Variants in XYLT1 observed in about 807,000 individuals in gnomAD.
The protein encoded by XYLT1 is xylosyltransferase 1, also known as beta-D-xylosyltransferase 1.
In XYLT1, 36 loss-of-function variants were observed where a neutral mutation model predicts 91.3. That is an observed-to-expected ratio of 0.39 (90% CI 0.30 to 0.52). The LOEUF (loss-of-function observed/expected upper bound fraction) is 0.52. Ranked by LOEUF, XYLT1 falls within the 20% of genes least tolerant of loss-of-function variation. XYLT1 has a pLI of 0.68. For synonymous variants in XYLT1, 588 were observed against 532.0 expected (o/e 1.11, Z -1.45); for missense variants, 1,242 against 1,284.5 (o/e 0.97, Z 0.51).
chr16:17,430,162 C>T (rs1037854088), intron 1 of XYLT1, among the ~76,000 whole-genome samples: 3 of 151,916 alleles, frequency 2.0e-5, no homozygotes, highest in African/African-American at 4.8e-5. Context: ...GTCTTGAACT[C>T]CTGACCTCAA....
At chr16:17,151,200 C>A (rs553328212) in intron 6 of XYLT1, among the ~76,000 whole-genome samples, 3 of 152,060 alleles carry the variant, frequency 2.0e-5, no homozygotes, top group Non-Finnish European at 2.9e-5. Context: ...CCGAGGCAGG[C>A]GGATCACTTG....
At chr16:17,263,265 C>A (rs28508002) in intron 2 of XYLT1, among the ~76,000 whole-genome samples, 1 of 152,018 alleles carries the variant, frequency 6.6e-6, no homozygotes, top group Middle Eastern at 3.2e-3. Context: ...GAAAACACTG[C>A]GATCATCTCC....
intron 1 of XYLT1, among the ~76,000 whole-genome samples, chr16:17,366,200 G>A (rs954061601): frequency 2.0e-5 from 3 of 151,964 alleles, no homozygotes; most frequent in Non-Finnish European, 2.9e-5. Context: ...TAGCAACACT[G>A]GATGTGTATT....
intron 2 of XYLT1, among the ~76,000 whole-genome samples, chr16:17,341,164 C>T (rs2035058966): frequency 6.6e-6 from 1 of 152,100 alleles, no homozygotes; most frequent in Non-Finnish European, 1.5e-5. Context: ...GGTACATACC[C>T]AATCGAGCAA....
chr16:17,418,651 C>A (rs571294423), intron 1 of XYLT1, among the ~76,000 whole-genome samples: 82 of 152,134 alleles, frequency 5.4e-4, no homozygotes, highest in Middle Eastern at 3.4e-3. Flanking sequence ...AGTTTGAGAC[C>A]AGCCTGGGCA....
In XYLT1 at chr16:17,198,388, C is replaced by T; in HGVS notation, c.1113G>A (p.Val371=). 6.2e-7 allele frequency: 1 copy of T among 1,614,170 alleles called. No individual in the cohort carries two copies. The highest frequency in any genetic ancestry group is 1.7e-5 in the Admixed American group (1 of 60,028). The change falls in exon 5 of 12, where the codon GTG becomes GTA. Residue 371 remains valine (V), a synonymous_variant. Transcript: ENST00000261381. The part of the protein sequence containing the change: ...DKRSNYLHRQ[V]LQVSRQYSNV... ...TGCTGTACTGCCTGGAGACCTGGAG[C>T]ACTTGCCGATGCAGGTAATTAGAGC...
chr16:17,379,684 A>G (rs934465351), intron 1 of XYLT1, among the ~76,000 whole-genome samples: 1 of 151,958 alleles, frequency 6.6e-6, no homozygotes, highest in East Asian at 1.9e-4. Context: ...AATAACAGAA[A>G]GCCAGGGAAA....
chr16:17,372,289 ATCT>A, intron 1 of XYLT1, among the ~76,000 whole-genome samples: 1 of 152,342 alleles, frequency 6.6e-6, no homozygotes, highest in Middle Eastern at 3.4e-3. Context: ...AGGGACAATT[ATCT>A]TATTACTAGT....
At chr16:17,433,678 C>T (rs984145638) in intron 1 of XYLT1, among the ~76,000 whole-genome samples, 5 of 152,174 alleles carry the variant, frequency 3.3e-5, no homozygotes, top group South Asian at 2.1e-4. Context: ...GGAACCCCGC[C>T]GAGGAGGCTT....
chr16:17,333,052 T>C (rs903476008), intron 2 of XYLT1, among the ~76,000 whole-genome samples: 1 of 152,132 alleles, frequency 6.6e-6, no homozygotes, highest in Non-Finnish European at 1.5e-5. Flanking sequence ...CTTTTTTTTT[T>C]CTTCCCTCTC....
At chr16:17,314,373 C>T (rs1019239093) in intron 2 of XYLT1, among the ~76,000 whole-genome samples, 3 of 152,124 alleles carry the variant, frequency 2.0e-5, no homozygotes, top group South Asian at 2.1e-4. Flanking sequence ...CAGCCCACCC[C>T]GCTGCACGTT....
chr16:17,394,057 G>C (rs536687653), intron 1 of XYLT1, among the ~76,000 whole-genome samples: 1 of 152,124 alleles, frequency 6.6e-6, no homozygotes, highest in African/African-American at 2.4e-5. Flanking sequence ...TTACAGGCAT[G>C]AGCCACCACG....
intron 3 of XYLT1, among the ~76,000 whole-genome samples, chr16:17,232,774 A>T (rs2033186708): frequency 6.6e-6 from 1 of 151,742 alleles, no homozygotes; most frequent in Non-Finnish European, 1.5e-5. Context: ...GAAGATGGTG[A>T]TGATATGAGG....
At chr16:17,272,845 C>A (rs1488528230) in intron 2 of XYLT1, among the ~76,000 whole-genome samples, 1 of 152,200 alleles carries the variant, frequency 6.6e-6, no homozygotes, top group Non-Finnish European at 1.5e-5. Context: ...CTGAGCTTTG[C>A]CTCGGAGATC....
intron 3 of XYLT1, among the ~76,000 whole-genome samples, chr16:17,207,778 C>A (rs1034778604): frequency 9.2e-5 from 14 of 152,154 alleles, no homozygotes; most frequent in Non-Finnish European, 1.5e-4. Flanking sequence ...AGGTCCCCTC[C>A]CACCCAGCTT....
intron 3 of XYLT1, among the ~76,000 whole-genome samples, chr16:17,246,908 C>A (rs947830016): frequency 1.3e-5 from 2 of 152,124 alleles, no homozygotes; most frequent in African/African-American, 4.8e-5. Context: ...TGTACCCCAG[C>A]AGGGAACAGG....
intron 1 of XYLT1, chr16:17,446,490 T>C (rs1316356486): frequency 6.6e-6 from 1 of 152,064 alleles, no homozygotes; most frequent in Non-Finnish European, 1.5e-5. Context: ...AATCCAGGAT[T>C]CAAACCCAGG....
chr16:17,250,367 A>G (rs2033517789), intron 3 of XYLT1: 1 of 152,258 alleles, frequency 6.6e-6, no homozygotes, highest in South Asian at 2.1e-4. Flanking sequence ...ACAACAAGTG[A>G]AAATTATGTG....
At chr16:17,180,923 A>G (rs1018780423) in intron 5 of XYLT1, among the ~76,000 whole-genome samples, 1 of 152,100 alleles carries the variant, frequency 6.6e-6, no homozygotes, top group African/African-American at 2.4e-5. Flanking sequence ...TGTCCAAATC[A>G]CTTTCTGATA....
Sources: allele counts gnomAD v4.1 joint callset (sites outside exome capture counted in the v4.1 genomes callset), GRCh38; gene constraint gnomAD v4.1.1; transcripts MANE v1.5; gene names NCBI Gene and HGNC (gene_info 2026-07-23, HGNC 2026-07-21).